The following ZNF117 variants were observed in gnomAD, a reference collection of about 807,000 sequenced individuals.
ZNF117 encodes Krueppel-related zinc finger protein.
A neutral mutation model predicts 41.2 loss-of-function variants in ZNF117; 37 were observed. That is an observed-to-expected ratio of 0.90 (90% CI 0.69 to 1.18). The LOEUF (loss-of-function observed/expected upper bound fraction) is 1.18. Ranked by LOEUF, ZNF117 falls within the 50% of genes most tolerant of loss-of-function variation. The probability of loss-of-function intolerance (pLI) is 0.00; values close to 1 mark genes in which losing one functional copy is unlikely to be tolerated. For missense variants in ZNF117, 546 were observed against 557.5 expected, an observed-to-expected ratio of 0.98 and a Z score of 0.21; for synonymous variants, 186 against 186.6, an observed-to-expected ratio of 1.00 and a Z score of 0.02.
chr7:64,979,493 G>A lies in ZNF117; in HGVS notation c.78C>T (p.Asn26=), dbSNP rs185136110. ...TCACTTTCTGGAAAGAATCTCTTAT[G>A]TTCTGCTCTGGCCAAAGGTGTTGGG... The change falls in exon 3 of 3, where the codon AAC becomes AAT. Residue 26 remains asparagine (N), a synonymous_variant. Coordinates refer to ENST00000620222, the Ensembl canonical transcript of ZNF117. The A allele has an allele frequency of 1.2e-4, 186 of 1,567,340 alleles. No homozygotes were observed. In the East Asian group the frequency reaches 3.8e-3, roughly 32 times the overall value.
chr7:64,980,462 A>G (rs980732744), intron 2 of ZNF117: 6 of 152,000 alleles, frequency 3.9e-5, no homozygotes, highest in Non-Finnish European at 8.8e-5. Flanking sequence ...AATCATAAAA[A>G]TTGGGATAAC....
At chr7:64,972,427 T>G (rs942546366), downstream of ZNF117, 1 of 152,060 alleles carries the variant, frequency 6.6e-6, no homozygotes, top group African/African-American at 2.4e-5. Flanking sequence ...ATAAAGACAA[T>G]GTGGTACATA....
chr7:64,984,183 G>A (rs572858298), upstream of ZNF117, among the ~76,000 whole-genome samples: 1 of 152,216 alleles, frequency 6.6e-6, no homozygotes, highest in East Asian at 1.9e-4. Context: ...CCAGGCTGGA[G>A]TGTAGTGGTA....
chr7:64,989,035 A>T (rs1376411215), intron 1 of ZNF117, among the ~76,000 whole-genome samples: 1 of 152,108 alleles, frequency 6.6e-6, no homozygotes, highest in Non-Finnish European at 1.5e-5. Flanking sequence ...AAATTTACAG[A>T]TCTAATGTAA....
At chr7:64,984,190 G>A (rs1477462029), upstream of ZNF117, among the ~76,000 whole-genome samples, 1 of 151,976 alleles carries the variant, frequency 6.6e-6, no homozygotes, top group Non-Finnish European at 1.5e-5. Context: ...GGAGTGTAGT[G>A]GTACAATCTC....
chr7:64,984,035 C>T (rs1786085642), upstream of ZNF117, among the ~76,000 whole-genome samples: 1 of 152,222 alleles, frequency 6.6e-6, no homozygotes, highest in African/African-American at 2.4e-5. Flanking sequence ...ATATTCTCAG[C>T]AGAATTTTAT....
At chr7:64,981,438 C>T (rs1786030960) in exon 2 of ZNF117, 2 of 1,612,896 alleles carry the variant, frequency 1.2e-6, no homozygotes, top group African/African-American at 1.3e-5. Context: ...GGCTCTTTTC[C>T]TTGCTCCAGA....
chr7:64,989,162 CATATAT>C (rs796765288), intron 1 of ZNF117, among the ~76,000 whole-genome samples: 1 of 146,878 alleles, frequency 6.8e-6, no homozygotes, highest in African/African-American at 2.5e-5. Flanking sequence ...CACACACACA[CATATAT>C]ACACATATAC....
chr7:64,978,114 G>T lies in ZNF117; in HGVS notation c.*5C>A, dbSNP rs78721492. ...AATTTTCTTGTGTTCAATGAGTTTTGAGGATCAGGTAGAAGCTTTGCCACA... is the reference window on the plus strand; with the variant it reads ...AATTTTCTTGTGTTCAATGAGTTTTTAGGATCAGGTAGAAGCTTTGCCACA... On this transcript the variant is annotated 3_prime_UTR_variant, in exon 3 of 3. Coordinates refer to ENST00000620222, the Ensembl canonical transcript of ZNF117. 0.013 allele frequency: 20,129 copies of T among 1,604,832 alleles called. 940 individuals carry two copies. The East Asian group carries it at 0.16, about 13-fold the overall frequency.
intron 2 of ZNF117, 137 bp downstream of exon 3, chr7:64,981,250 A>AG: frequency 9.0e-7 from 1 of 1,105,968 alleles, no homozygotes; most frequent in Non-Finnish European, 1.3e-6. Context: ...TATGTGAGAG[A>AG]AAAATAAAAA....
In ZNF117 at chr7:64,979,456, A is replaced by G. The variant is rs1176287418; in HGVS notation, c.115T>C (p.Tyr39His). ...AAATTCTCATATCCACATTTTCTAT[A>G]TCTTCTTAGGGTCACTTTCTGGAAA... is the stretch of plus-strand genomic sequence containing the variant. Residue 39 changes from tyrosine to histidine, a missense_variant, in exon 3 of 3, where the codon TAT becomes CAT. By Grantham distance (83) the Tyr-to-His change is moderately conservative. Coordinates refer to ENST00000620222, the Ensembl canonical transcript of ZNF117. The G allele has an allele frequency of 3.1e-6, 5 of 1,607,092 alleles. 1 individual carries two copies. The South Asian group carries it at 3.4e-5, about 11-fold the overall frequency.
At chr7:64,985,515 C>T (rs1339612189), upstream of ZNF117, among the ~76,000 whole-genome samples, 2 of 152,090 alleles carry the variant, frequency 1.3e-5, no homozygotes, top group Non-Finnish European at 2.9e-5. Context: ...AAATCTTTGC[C>T]AAAGCAATGA....
upstream of ZNF117, chr7:64,982,231 T>C (rs1786047623): frequency 4.5e-6 from 2 of 446,524 alleles, no homozygotes; most frequent in African/African-American, 4.2e-5. Flanking sequence ...TGGTTCTGAC[T>C]TATAGGAGTG....
upstream of ZNF117, among the ~76,000 whole-genome samples, chr7:64,985,282 A>AC (rs1417857999): frequency 6.6e-6 from 1 of 152,232 alleles, no homozygotes; most frequent in Non-Finnish European, 1.5e-5. Context: ...CAGTTCATAC[A>AC]CTGAACCATG....
At chr7:64,972,203 T>C (rs901653576), downstream of ZNF117, 10 of 152,050 alleles carry the variant, frequency 6.6e-5, no homozygotes, top group African/African-American at 2.2e-4. Flanking sequence ...AAGGAATGCT[T>C]GCACACTGTT....
chr7:64,977,530 C>T, exon 3 of ZNF117: 1 of 528,784 alleles, frequency 1.9e-6, no homozygotes, highest in South Asian at 1.5e-5. Context: ...AGAGTTGACA[C>T]TTGGTTAAAA....
chr7:64,989,029 T>G (rs1786195396), intron 1 of ZNF117, among the ~76,000 whole-genome samples: 1 of 151,888 alleles, frequency 6.6e-6, no homozygotes, highest in African/African-American at 2.4e-5. Context: ...CAAAAGAAAT[T>G]TACAGATCTA....
rs1852015 is a variant in ZNF117, at chr7:64,976,602, A to C, written c.*1517T>G. ...TTTTTCTGAAGTGCTTTCCTGTGCT[A>C]TAAGGTGTGAAAAATTAAAAGTTTT... is the stretch of plus-strand genomic sequence containing the variant. On this transcript the variant is annotated 3_prime_UTR_variant, in exon 3 of 3. Transcript: ENST00000620222. 240,160 of 261,430 alleles carry C rather than the reference A, an allele frequency of 0.92. 111,017 individuals carry two copies. Among genetic ancestry groups the C allele is most frequent in the South Asian group, 0.97 (23,004 of 23,756 alleles). The allele number at this position is 261,430 out of a possible 1,614,324, so 16.2% of individuals were successfully genotyped here.
At chr7:64,977,804 T>C in exon 3 of ZNF117, 1 of 1,022,934 alleles carries the variant, frequency 9.8e-7, no homozygotes, top group East Asian at 3.0e-5. Flanking sequence ...CTTTTCCACA[T>C]TCTTCACATT....
Sources: allele counts gnomAD v4.1 joint callset (sites outside exome capture counted in the v4.1 genomes callset), GRCh38; gene constraint gnomAD v4.1.1; transcripts MANE v1.5; gene names NCBI Gene and HGNC (gene_info 2026-07-23, HGNC 2026-07-21).